The following GAB2 variants were observed in gnomAD, a reference collection of about 807,000 sequenced individuals.
The protein encoded by GAB2 is GRB2-associated-binding protein 2.
Under a neutral mutation model 65.5 loss-of-function variants are expected in GAB2, and 26 were observed. That is an observed-to-expected ratio of 0.40 (90% confidence interval 0.29 to 0.55). The LOEUF (loss-of-function observed/expected upper bound fraction) is 0.55, where lower values mean the gene tolerates loss of function less well. Among genes scored for constraint, GAB2 ranks in the 20% least tolerant of loss-of-function variants. GAB2 has a pLI of 0.53. For synonymous variants in GAB2, 321 were observed against 329.6 expected, an observed-to-expected ratio of 0.97 and a Z score of 0.28; for missense variants, 884 against 875.8, an observed-to-expected ratio of 1.01 and a Z score of -0.12.
At chr11:78,224,416 G>T (rs1009334019) in intron 5 of GAB2, among the ~76,000 whole-genome samples, 1 of 152,118 alleles carries the variant, frequency 6.6e-6, no homozygotes, top group Non-Finnish European at 1.5e-5. Context: ...GGGGCCAGTT[G>T]TGTTTCCCCA....
chr11:78,278,585 G>A (rs563218014), intron 2 of GAB2, among the ~76,000 whole-genome samples: 54 of 151,322 alleles, frequency 3.6e-4, no homozygotes, highest in Non-Finnish European at 5.8e-4. Context: ...ACCATTATTG[G>A]TCAGGATGGT....
intron 2 of GAB2, among the ~76,000 whole-genome samples, chr11:78,258,576 A>G (rs1259128384): frequency 1.3e-5 from 2 of 150,912 alleles, no homozygotes; most frequent in African/African-American, 4.9e-5. Context: ...GAGTTGAATT[A>G]TAATTTTTTT....
At chr11:78,321,860 T>C (rs935984285) in intron 1 of GAB2, among the ~76,000 whole-genome samples, 2 of 145,172 alleles carry the variant, frequency 1.4e-5, no homozygotes, top group African/African-American at 2.6e-5. Context: ...CAAACTGATA[T>C]TTGACAAAGT....
chr11:78,390,238 T>C (rs1382795170), intron 1 of GAB2, among the ~76,000 whole-genome samples: 3 of 152,340 alleles, frequency 2.0e-5, no homozygotes, highest in East Asian at 3.8e-4. Context: ...GGCGAGGCTA[T>C]TGCTTTATAG....
At chr11:78,350,266 C>T (rs759800502) in intron 1 of GAB2, among the ~76,000 whole-genome samples, 4 of 152,146 alleles carry the variant, frequency 2.6e-5, no homozygotes, top group Non-Finnish European at 5.9e-5. Context: ...TAGCGGGTAG[C>T]TCAGGAGGGG....
At chr11:78,376,699 T>C (rs1241731441) in intron 1 of GAB2, among the ~76,000 whole-genome samples, 2 of 152,132 alleles carry the variant, frequency 1.3e-5, no homozygotes, top group Non-Finnish European at 2.9e-5. Flanking sequence ...AGTTCTAATC[T>C]AGGCTCATGA....
intron 1 of GAB2, among the ~76,000 whole-genome samples, chr11:78,290,127 G>C (rs1053968555): frequency 6.6e-6 from 1 of 152,104 alleles, no homozygotes; most frequent in Non-Finnish European, 1.5e-5. Flanking sequence ...TAAGAGACAA[G>C]AAAACAATTA....
chr11:78,264,832 G>A (rs1050720363), intron 2 of GAB2, among the ~76,000 whole-genome samples: 1 of 152,102 alleles, frequency 6.6e-6, no homozygotes, highest in African/African-American at 2.4e-5. Flanking sequence ...TTGAGTTTGG[G>A]CAAAACAGAG....
chr11:78,236,905 T>C (rs1233251068), intron 3 of GAB2, among the ~76,000 whole-genome samples: 2 of 152,224 alleles, frequency 1.3e-5, no homozygotes, highest in Non-Finnish European at 2.9e-5. Context: ...CAGACACATA[T>C]AGATATACAC....
chr11:78,300,702 T>TG (rs1334833486), intron 1 of GAB2, among the ~76,000 whole-genome samples: 5 of 142,838 alleles, frequency 3.5e-5, no homozygotes, highest in African/African-American at 1.4e-4. Context: ...TTTGTTTTTT[T>TG]TTTTTTTTTT....
In GAB2 at chr11:78,283,787, A is replaced by G. The variant is rs142332506; in HGVS notation, c.76-2886T>C. On this transcript the variant is annotated intron_variant, in intron 1 of 9. Coordinates refer to ENST00000361507, the MANE Select transcript of GAB2 (RefSeq NM_080491.3). ...AGCATGCACTCTCAACTCTCCTTCT[A>G]TCTACCGGGCCTCTCTTTTTCAGTC... 5.2e-3 allele frequency among the ~76,000 whole-genome samples: 795 copies of G among 151,822 alleles called. 26 individuals are homozygous for G. Among genetic ancestry groups the G allele is most frequent in the Admixed American group, 0.044 (668 of 15,256 alleles).
chr11:78,409,616 G>C (rs1042561146), intron 1 of GAB2, among the ~76,000 whole-genome samples: 1 of 151,874 alleles, frequency 6.6e-6, no homozygotes, highest in Non-Finnish European at 1.5e-5. Context: ...TAAAATATGT[G>C]AAACAAAAAC....
chr11:78,355,245 A>C (rs1856341212), intron 1 of GAB2, among the ~76,000 whole-genome samples: 2 of 152,324 alleles, frequency 1.3e-5, no homozygotes, highest in South Asian at 4.1e-4. Flanking sequence ...CCTCATCTAT[A>C]AACAACAGCA....
At chr11:78,297,444 TTA>T (rs1442771193) in intron 1 of GAB2, among the ~76,000 whole-genome samples, 2 of 152,244 alleles carry the variant, frequency 1.3e-5, no homozygotes, top group Admixed American at 1.3e-4. Flanking sequence ...TGGAAAACAC[TTA>T]TTCAGTTCAT....
At chr11:78,344,073 G>T (rs1038279393) in intron 1 of GAB2, among the ~76,000 whole-genome samples, 1 of 152,152 alleles carries the variant, frequency 6.6e-6, no homozygotes, top group South Asian at 2.1e-4. Context: ...TATGCAAGGA[G>T]TTACAAAGTT....
rs879321538 is a variant in GAB2 at position 78,215,640 on chromosome 11, A to G, written c.*3632T>C. 2 of 152,316 alleles carry G rather than the reference A, an allele frequency of 1.3e-5. No homozygotes were observed. Among genetic ancestry groups the G allele is most frequent in the Non-Finnish European group, 2.9e-5 (2 of 68,046 alleles). The allele number at this position is 152,316 out of a possible 1,614,324, so 9.4% of individuals were successfully genotyped here. ...AAATAATTCTAGATTTCAAGACACA[A>G]GTAGCCAACAAATACACAACACATG... is the stretch of plus-strand genomic sequence containing the variant. On this transcript the variant is annotated 3_prime_UTR_variant, in exon 10 of 10. Coordinates refer to ENST00000361507, the MANE Select transcript of GAB2 (RefSeq NM_080491.3).
intron 1 of GAB2, among the ~76,000 whole-genome samples, chr11:78,384,779 C>A (rs1856744948): frequency 6.6e-6 from 1 of 152,170 alleles, no homozygotes; most frequent in Non-Finnish European, 1.5e-5. Context: ...GGCTGGAATA[C>A]TCAGAAAGAA....
intron 1 of GAB2, among the ~76,000 whole-genome samples, chr11:78,315,998 G>A (rs992209004): frequency 6.6e-6 from 1 of 152,132 alleles, no homozygotes; most frequent in African/African-American, 2.4e-5. Flanking sequence ...GGTGGAATAA[G>A]CTTGCTTGCT....
intron 1 of GAB2, among the ~76,000 whole-genome samples, chr11:78,286,631 CTT>C (rs1491099152): frequency 3.0e-5 from 4 of 133,058 alleles, no homozygotes; most frequent in African/African-American, 1.2e-4. Flanking sequence ...ATTAATAAAA[CTT>C]ATACGTAAGC....
Sources: gnomAD v4.1 joint callset for allele counts (sites outside exome capture counted in the v4.1 genomes callset) on GRCh38, gnomAD v4.1.1 for gene constraint, MANE v1.5 for transcripts, NCBI Gene and HGNC (gene_info 2026-07-23, HGNC 2026-07-21) for gene names.